Variants in PPP1R12C observed in about 807,000 individuals in gnomAD.
PPP1R12C encodes leukocyte receptor cluster (LRC) encoded novel gene 3.
Under a neutral mutation model 95.6 loss-of-function variants are expected in PPP1R12C, and 48 were observed. The ratio of observed to expected loss-of-function variants is 0.50; its 90% confidence interval spans 0.40 to 0.64. The LOEUF is 0.64. Among genes scored for constraint, PPP1R12C ranks in the 30% least tolerant of loss-of-function variants. PPP1R12C has a pLI of 0.00. For missense variants in PPP1R12C, 1,057 were observed against 1,083.3 expected, an observed-to-expected ratio of 0.98 and a Z score of 0.34; for synonymous variants, 480 against 460.8, an observed-to-expected ratio of 1.04 and a Z score of -0.53.
At position 55,117,573 on chromosome 19, in the gene PPP1R12C, G is replaced by A. The variant is rs1450933154; in HGVS notation, c.-30C>T. ...CCGCCCGCCCGCCCAGCGAGCGAGC[G>A]AGCGCCGAGCCCCAACCGCCGCCAC... On this transcript the variant is annotated 5_prime_UTR_variant, in exon 1 of 22. Transcript: ENST00000263433. The A allele has an allele frequency of 4.0e-6, 4 of 988,674 alleles. No individual in the cohort carries two copies. Among genetic ancestry groups the A allele is most frequent in the South Asian group, 4.5e-5 (1 of 22,058 alleles). 61.2% of individuals were successfully genotyped at this position (988,674 alleles called of 1,614,324 possible).
chr19:55,095,653 G>A (rs373788615), intron 9 of PPP1R12C, 50 bp from the exon 10 acceptor site: 2 of 1,509,284 alleles, frequency 1.3e-6, no homozygotes, highest in Non-Finnish European at 1.8e-6. Flanking sequence ...CCTCTTCTCA[G>A]ACCTCAAGGG....
At chr19:55,107,822 C>G (rs2085054971) in intron 3 of PPP1R12C, among the ~76,000 whole-genome samples, 4 of 149,728 alleles carry the variant, frequency 2.7e-5, no homozygotes, top group Admixed American at 6.7e-5. Context: ...TACACATGTA[C>G]CATAGAACTT....
intron 4 of PPP1R12C, among the ~76,000 whole-genome samples, chr19:55,100,080 C>T (rs142592263): frequency 9.2e-5 from 14 of 152,286 alleles, no homozygotes; most frequent in Admixed American, 2.0e-4. Flanking sequence ...CCCAAGCGTC[C>T]GCTCGCCGCT....
In PPP1R12C at chr19:55,092,468, C is replaced by T. The variant is rs1243682788; in HGVS notation, c.2029G>A (p.Glu677Lys). ...DLNPEPEPES[E>K]EPDGGFRTLY... is the part of the protein sequence containing the mutation. Reference sequence around the variant, plus strand: ...GTCCTAAAGCCTCCGTCTGGCTCTTCCGATTCTGGCTCAGGTTCTGGGTTG... The same window carrying T: ...GTCCTAAAGCCTCCGTCTGGCTCTTTCGATTCTGGCTCAGGTTCTGGGTTG... The change falls in exon 18 of 22, where the codon GAA becomes AAA. Residue 677 changes from glutamate to lysine, a missense_variant. Glu to Lys is a moderately conservative substitution (Grantham distance 56). Transcript: ENST00000263433. 1.9e-6 allele frequency: 3 copies of T among 1,609,824 alleles called. No individual in the cohort carries two copies. In the South Asian group the frequency reaches 3.3e-5, roughly 18 times the overall value.
chr19:55,094,623 G>T, intron 12 of PPP1R12C, 38 bp downstream of exon 12: 3 of 1,543,514 alleles, frequency 1.9e-6, no homozygotes, highest in Non-Finnish European at 1.7e-6. Flanking sequence ...CTCCCTGCTG[G>T]GGGCGGGGGC....
intron 6 of PPP1R12C, 111 bp downstream of exon 6, chr19:55,098,673 C>T (rs2084948633): frequency 6.0e-6 from 8 of 1,331,728 alleles, no homozygotes; most frequent in Middle Eastern, 2.1e-4. Context: ...AATAGCAGGT[C>T]GCTGGGGTGG....
Position 55,092,612 on chromosome 19 carries a change from C to A in PPP1R12C, c.1952+10G>T. Reference sequence around the variant, plus strand: ...GCACGCAGACCCCACCTCTCCCACCCCGCCCCTACCTGGACTCCTGGCTGC... The same window carrying A: ...GCACGCAGACCCCACCTCTCCCACCACGCCCCTACCTGGACTCCTGGCTGC... On this transcript the variant is annotated intron_variant, in intron 17 of 21. Coordinates refer to ENST00000263433, the MANE Select transcript of PPP1R12C (RefSeq NM_017607.4). The A allele has an allele frequency of 1.3e-6, 2 of 1,535,968 alleles. No individual in the cohort carries two copies. The highest frequency in any genetic ancestry group is 2.1e-5 in the Admixed American group (1 of 47,544).
chr19:55,112,361 G>T, intron 3 of PPP1R12C, 106 bp downstream of exon 3: 1 of 966,972 alleles, frequency 1.0e-6, no homozygotes, highest in Non-Finnish European at 1.5e-6. Flanking sequence ...GACAATCCTA[G>T]GAAGCAGGGT....
chr19:55,091,455 G>T lies in PPP1R12C; in HGVS notation c.*17C>A. The T allele has an allele frequency of 6.2e-7, 1 of 1,608,496 alleles. No individual in the cohort carries two copies. On this transcript the variant is annotated 3_prime_UTR_variant, in exon 22 of 22. Transcript: ENST00000263433. Reference sequence around the variant, plus strand: ...GAAGCAGCTGTATAAATACGGGTGCGGGAAAGTCCCTCCGGGTCACTTGGA... The same window carrying T: ...GAAGCAGCTGTATAAATACGGGTGCTGGAAAGTCCCTCCGGGTCACTTGGA...
chr19:55,092,411 G>T, intron 18 of PPP1R12C, 31 bp downstream of exon 18: 1 of 1,582,402 alleles, frequency 6.3e-7, no homozygotes. Flanking sequence ...CACCCAGCAG[G>T]CAAAGCCCCG....
intron 3 of PPP1R12C, among the ~76,000 whole-genome samples, chr19:55,105,946 A>G (rs989332196): frequency 1.3e-5 from 2 of 151,982 alleles, no homozygotes; most frequent in Non-Finnish European, 2.9e-5. Context: ...TGTCTTAAAA[A>G]AAAAAAAAAA....
intron 3 of PPP1R12C, among the ~76,000 whole-genome samples, chr19:55,105,926 C>T (rs889313511): frequency 1.3e-5 from 2 of 150,778 alleles, no homozygotes; most frequent in Admixed American, 6.6e-5. Context: ...TGGGAGGCAG[C>T]GTGAGATCCT....
In PPP1R12C at chr19:55,117,600, A is replaced by ACACG. The variant is rs975251928; in HGVS notation, c.-58_-57insCGTG. 3.4e-6 allele frequency: 3 copies of ACACG among 879,024 alleles called. No individual in the cohort carries two copies. In the African/African-American group the frequency reaches 7.1e-5, roughly 21 times the overall value. The allele number at this position is 879,024 out of a possible 1,614,324, so 54.5% of individuals were successfully genotyped here. A position where few individuals can be genotyped will look rare whatever the true frequency, so the allele number is the denominator to read the frequency against. On this transcript the variant is annotated 5_prime_UTR_variant, in exon 1 of 22. Transcript: ENST00000263433. ...GCGCCGAGCCCCAACCGCCGCCACCACCCGCCCGCCCGCCCGCCCCGGGGG... is the reference window on the plus strand; with the variant it reads ...GCGCCGAGCCCCAACCGCCGCCACCACACGCCCGCCCGCCCGCCCGCCCCGGGGG...
At chr19:55,110,141 G>A (rs1419573467) in intron 3 of PPP1R12C, among the ~76,000 whole-genome samples, 1 of 152,142 alleles carries the variant, frequency 6.6e-6, no homozygotes, top group Admixed American at 6.5e-5. Flanking sequence ...CGGCCTCCCT[G>A]GGGTCCAAGG....
intron 4 of PPP1R12C, among the ~76,000 whole-genome samples, chr19:55,102,981 C>T (rs938102133): frequency 6.6e-6 from 1 of 152,156 alleles, no homozygotes; most frequent in Non-Finnish European, 1.5e-5. Context: ...GTAGGAGGAT[C>T]ACTTGAGCCC....
intron 3 of PPP1R12C, among the ~76,000 whole-genome samples, chr19:55,111,156 G>A (rs562209372): frequency 7.0e-6 from 1 of 142,238 alleles, no homozygotes; most frequent in Non-Finnish European, 1.5e-5. Flanking sequence ...GGGGAGGGGG[G>A]GGTGCATGGT....
In PPP1R12C at chr19:55,109,001, G is replaced by C. The variant is rs552737384; in HGVS notation, c.571+3466C>G. On this transcript the variant is annotated intron_variant, in intron 3 of 21. Transcript: ENST00000263433. This position sits in a 1 kb window ranked among gnomAD's most constrained non-coding sequence, Gnocchi z 4.4. The stretch of plus-strand genomic sequence containing the variant: ...GATGAAGACTGAATCATGTCCCACC[G>C]CATGGATGGGCCACATGTTGATTTT... 6.6e-6 allele frequency among the ~76,000 whole-genome samples: 1 copy of C among 152,176 alleles called. No individual in the cohort carries two copies. Among genetic ancestry groups the C allele is most frequent in the African/African-American group, 2.4e-5 (1 of 41,454 alleles).
At chr19:55,113,500 AG>A in intron 1 of PPP1R12C, 1 of 1,427,680 alleles carries the variant, frequency 7.0e-7, no homozygotes. Context: ...TTCTTCCCTT[AG>A]GGGTCCAAAA....
chr19:55,112,567 C>A lies in PPP1R12C; in HGVS notation c.471G>T (p.Gly157=). The A allele has an allele frequency of 6.2e-7, 1 of 1,613,310 alleles. No homozygotes were observed. Among genetic ancestry groups the A allele is most frequent in the Non-Finnish European group, 8.5e-7 (1 of 1,179,696 alleles). ...CACTGTTGACGGCGGCGATGTTGGCCCCGTGGCTCAGGAGGTACCTGGGGG... is the reference window on the plus strand; with the variant it reads ...CACTGTTGACGGCGGCGATGTTGGCACCGTGGCTCAGGAGGTACCTGGGGG... ...LDIARYLLSH[G]ANIAAVNSDG... is the part of the protein sequence containing the mutation. The change falls in exon 3 of 22, where the codon GGG becomes GGT. Residue 157 remains glycine (G), a synonymous_variant. Transcript: ENST00000263433.
Sources: allele counts gnomAD v4.1 joint callset (sites outside exome capture counted in the v4.1 genomes callset), GRCh38; gene constraint gnomAD v4.1.1; non-coding constraint Gnocchi (gnomAD v3.1); transcripts MANE v1.5; gene names NCBI Gene and HGNC (gene_info 2026-07-23, HGNC 2026-07-21).